Variants in PDZRN3 observed in about 807,000 individuals in gnomAD.
The protein encoded by PDZRN3 is PDZ domain containing ring finger 3, also known as E3 ubiquitin-protein ligase PDZRN3.
PDZRN3 carries 38 observed loss-of-function variants against 85.7 expected under a neutral mutation model. The ratio of observed to expected loss-of-function variants is 0.44; its 90% confidence interval spans 0.34 to 0.58. PDZRN3 has a LOEUF of 0.58. PDZRN3 is among the 20% of genes least tolerant of loss of function. The probability of loss-of-function intolerance (pLI) is 0.01; values close to 1 mark genes in which losing one functional copy is unlikely to be tolerated. For missense variants in PDZRN3, 1,629 were observed against 1,506.4 expected, an observed-to-expected ratio of 1.08 and a Z score of -1.35; for synonymous variants, 759 against 638.0, an observed-to-expected ratio of 1.19 and a Z score of -2.86.
rs1055340470 is a variant in PDZRN3 at position 73,543,500 on chromosome 3, T to G, written c.918+58854A>C. 3.9e-5 allele frequency among the ~76,000 whole-genome samples: 6 copies of G among 152,314 alleles called. No homozygotes were observed. In the South Asian group the frequency reaches 1.0e-3, roughly 26 times the overall value. ...TCTTTCATGTTTACAATGGAAGAAT[T>G]TATTCTCGCATGCTTGCAATGCTAT... On this transcript the variant is annotated intron_variant, in intron 3 of 9. Coordinates refer to ENST00000263666, the MANE Select transcript of PDZRN3 (RefSeq NM_015009.3).
chr3:73,509,533 T>C (rs1704126593), intron 3 of PDZRN3, among the ~76,000 whole-genome samples: 1 of 152,310 alleles, frequency 6.6e-6, no homozygotes, highest in Middle Eastern at 3.4e-3. Flanking sequence ...CCCAGTGCTA[T>C]GGCTCAAAGG....
At chr3:73,416,875 G>GTTTTTTTTTTTTT (rs1491373717) in intron 3 of PDZRN3, among the ~76,000 whole-genome samples, 29 of 40,738 alleles carry the variant, frequency 7.1e-4, no homozygotes, top group African/African-American at 1.7e-3. Context: ...GTTTTTTTTT[G>GTTTTTTTTTTTTT]GTTTTTTTTT....
At position 73,383,651 on chromosome 3, in the gene PDZRN3, T is replaced by C. The variant is rs764373766; in HGVS notation, c.2915A>G (p.Tyr972Cys). 2.5e-6 allele frequency: 4 copies of C among 1,613,264 alleles called. No individual in the cohort carries two copies. The highest frequency in any genetic ancestry group is 2.2e-5 in the South Asian group (2 of 91,074). ...CTGCTTCCTCTCCTCCTTGCTCCAGTAGCGCCCCATCTTCATCTCGCTCAC... is the reference window on the plus strand; with the variant it reads ...CTGCTTCCTCTCCTCCTTGCTCCAGCAGCGCCCCATCTTCATCTCGCTCAC... ...DAVSEMKMGR[Y>C]WSKEERKQHL... The change falls in exon 10 of 10, where the codon TAC (tyrosine) becomes TGC (cysteine). Residue 972 changes from tyrosine to cysteine, a missense_variant. Physicochemically the swap from Tyr to Cys is radical, Grantham distance 194 (BLOSUM62 -2). Transcript: ENST00000263666.
chr3:73,548,923 A>G (rs1002783145), intron 3 of PDZRN3, among the ~76,000 whole-genome samples: 1 of 152,236 alleles, frequency 6.6e-6, no homozygotes, highest in African/African-American at 2.4e-5. Context: ...AGAACTTTAA[A>G]ACAGCTGGAA....
At chr3:73,431,307 G>A (rs1209019393) in intron 3 of PDZRN3, among the ~76,000 whole-genome samples, 1 of 152,184 alleles carries the variant, frequency 6.6e-6, no homozygotes, top group Non-Finnish European at 1.5e-5. Context: ...GCATCATTAA[G>A]CTCACAGCAG....
chr3:73,491,541 C>G (rs4263232), intron 3 of PDZRN3, among the ~76,000 whole-genome samples: 102,617 of 150,436 alleles, frequency 0.68, 35,252 homozygotes, highest in East Asian at 0.87. Flanking sequence ...TTCAAGTAGA[C>G]AGACTTCCAG....
At chr3:73,578,210 C>T (rs2106862505) in intron 3 of PDZRN3, among the ~76,000 whole-genome samples, 1 of 141,638 alleles carries the variant, frequency 7.1e-6, no homozygotes, top group East Asian at 2.1e-4. Context: ...GTTGCCCAGG[C>T]TGGAGTGCGA....
At chr3:73,572,046 A>C (rs1244096069) in intron 3 of PDZRN3, among the ~76,000 whole-genome samples, 1 of 152,208 alleles carries the variant, frequency 6.6e-6, no homozygotes, top group Non-Finnish European at 1.5e-5. Flanking sequence ...ATTCAGTGCA[A>C]AAAAAGGTCT....
At chr3:73,574,461 G>GGT (rs1575746054) in intron 3 of PDZRN3, among the ~76,000 whole-genome samples, 1 of 140,296 alleles carries the variant, frequency 7.1e-6, no homozygotes, top group African/African-American at 2.7e-5. Flanking sequence ...CTGGGGTGGG[G>GGT]GGGGTGGGGA....
At chr3:73,449,579 A>G (rs959111664) in intron 3 of PDZRN3, among the ~76,000 whole-genome samples, 1 of 152,240 alleles carries the variant, frequency 6.6e-6, no homozygotes, top group African/African-American at 2.4e-5. Flanking sequence ...TGGCAGCCAC[A>G]TTGTTAATCA....
intron 3 of PDZRN3, among the ~76,000 whole-genome samples, chr3:73,560,969 G>C (rs1279369980): frequency 2.0e-5 from 3 of 152,178 alleles, no homozygotes; most frequent in South Asian, 2.1e-4. Flanking sequence ...ACAAGGGAAG[G>C]GAAGAGAAGA....
chr3:73,414,327 C>G (rs17540281), intron 3 of PDZRN3, among the ~76,000 whole-genome samples: 6,277 of 152,278 alleles, frequency 0.041, 136 homozygotes, highest in Middle Eastern at 0.051. Context: ...CAGGAAAAAT[C>G]AAAGCTAAAG....
chr3:73,569,691 T>C (rs1369752607), intron 3 of PDZRN3, among the ~76,000 whole-genome samples: 1 of 152,190 alleles, frequency 6.6e-6, no homozygotes, highest in Non-Finnish European at 1.5e-5. Flanking sequence ...CACAGTGCCT[T>C]GGTTCAAACA....
chr3:73,533,459 A>C (rs1704706324), intron 3 of PDZRN3, among the ~76,000 whole-genome samples: 2 of 152,118 alleles, frequency 1.3e-5, no homozygotes, highest in Non-Finnish European at 2.9e-5. Flanking sequence ...TCACATATCA[A>C]TCTTTTTTTT....
At chr3:73,400,879 C>G (rs1367401430) in intron 5 of PDZRN3, 43 bp downstream of exon 5, 12 of 1,363,426 alleles carry the variant, frequency 8.8e-6, no homozygotes, top group Non-Finnish European at 1.3e-5. Context: ...ATTCTGTGTT[C>G]TTAATAATGA....
intron 3 of PDZRN3, among the ~76,000 whole-genome samples, chr3:73,472,050 T>A (rs1432174758): frequency 6.6e-6 from 1 of 152,212 alleles, no homozygotes; most frequent in Non-Finnish European, 1.5e-5. Flanking sequence ...TTACTATTTT[T>A]AAGATACTGT....
At position 73,384,440 on chromosome 3, in the gene PDZRN3, T is replaced by C. The variant is rs780928785; in HGVS notation, c.2126A>G (p.Gln709Arg). 8 of 1,612,024 alleles carry C rather than the reference T, an allele frequency of 5.0e-6. No individual in the cohort carries two copies. Among genetic ancestry groups the C allele is most frequent in the Middle Eastern group, 1.7e-4 (1 of 6,058 alleles). ...CLSIVRAHKM[Q>R]QLKEQYRESW... is the part of the protein sequence containing the mutation. ...CTCGCGGTACTGCTCCTTGAGCTGC[T>C]GCATCTTGTGGGCGCGCACGATGCT... Residue 709 changes from glutamine to arginine, a missense_variant, in exon 10 of 10, where the codon CAG becomes CGG. Coordinates refer to ENST00000263666, the MANE Select transcript of PDZRN3 (RefSeq NM_015009.3).
At chr3:73,586,324 A>G (rs1287944262) in intron 3 of PDZRN3, among the ~76,000 whole-genome samples, 1 of 152,220 alleles carries the variant, frequency 6.6e-6, no homozygotes, top group Non-Finnish European at 1.5e-5. Flanking sequence ...TTGTCGAAGT[A>G]TCAAATGTCC....
At chr3:73,521,555 T>C (rs898223647) in intron 3 of PDZRN3, among the ~76,000 whole-genome samples, 3 of 152,078 alleles carry the variant, frequency 2.0e-5, no homozygotes, top group African/African-American at 4.8e-5. Flanking sequence ...CTGAGGGGGA[T>C]TGAGATGCAC....
Sources: gnomAD v4.1 joint callset for allele counts (sites outside exome capture counted in the v4.1 genomes callset) on GRCh38, gnomAD v4.1.1 for gene constraint, MANE v1.5 for transcripts, NCBI Gene and HGNC (gene_info 2026-07-23, HGNC 2026-07-21) for gene names.